Variants in EPB41L5 observed in about 807,000 individuals in gnomAD.
EPB41L5 encodes erythrocyte membrane protein band 4.1 like 5.
Under a neutral mutation model 106.6 loss-of-function variants are expected in EPB41L5, and 55 were observed. That is an observed-to-expected ratio of 0.52 (90% CI 0.42 to 0.65). EPB41L5 has a LOEUF of 0.65. Among genes scored for constraint, EPB41L5 ranks in the 30% least tolerant of loss-of-function variants. The pLI, the probability that EPB41L5 is intolerant of heterozygous loss-of-function variation, is 0.00. For synonymous variants in EPB41L5, 297 were observed against 306.7 expected, an observed-to-expected ratio of 0.97 and a Z score of 0.33; for missense variants, 871 against 882.1, an observed-to-expected ratio of 0.99 and a Z score of 0.16.
At chr2:120,106,946 G>A in intron 16 of EPB41L5, 1 of 919,564 alleles carries the variant, frequency 1.1e-6, no homozygotes, top group African/African-American at 1.8e-5. Flanking sequence ...GTTTTGAAAA[G>A]CACCTAGTAT....
At chr2:120,130,938 T>TATGC (rs769442673) in intron 17 of EPB41L5, among the ~76,000 whole-genome samples, 80 of 152,236 alleles carry the variant, frequency 5.3e-4, no homozygotes, top group Middle Eastern at 3.2e-3. Context: ...TGTAAAATTT[T>TATGC]ATGCACACAT....
intron 3 of EPB41L5, among the ~76,000 whole-genome samples, chr2:120,045,868 C>T (rs77513800): frequency 1.3e-5 from 2 of 150,260 alleles, no homozygotes; most frequent in Non-Finnish European, 3.0e-5. Flanking sequence ...CCCAAGTGTT[C>T]TCATTGTTCA....
chr2:120,061,882 TC>T (rs1378552286), intron 3 of EPB41L5, among the ~76,000 whole-genome samples: 3 of 152,202 alleles, frequency 2.0e-5, no homozygotes, highest in South Asian at 2.1e-4. Context: ...TTTCAAAACT[TC>T]CTTGGTTCTT....
At chr2:120,099,154 C>T (rs1166639996) in intron 14 of EPB41L5, among the ~76,000 whole-genome samples, 1 of 152,178 alleles carries the variant, frequency 6.6e-6, no homozygotes, top group Non-Finnish European at 1.5e-5. Flanking sequence ...TTCTCACTTT[C>T]AAGGAATTTT....
At chr2:120,070,933 A>G (rs1198364460) in intron 3 of EPB41L5, among the ~76,000 whole-genome samples, 2 of 152,186 alleles carry the variant, frequency 1.3e-5, no homozygotes, top group African/African-American at 4.8e-5. Flanking sequence ...GGCACAAAAC[A>G]AGGATGCCGT....
At chr2:120,064,075 CA>C (rs1479368575) in intron 3 of EPB41L5, among the ~76,000 whole-genome samples, 1 of 152,022 alleles carries the variant, frequency 6.6e-6, no homozygotes, top group Non-Finnish European at 1.5e-5. Flanking sequence ...ACTGTTAACT[CA>C]AAAAAAGTAG....
intron 24 of EPB41L5, 145 bp downstream of exon 24, chr2:120,168,152 A>G (rs1405516678): frequency 3.0e-6 from 3 of 998,036 alleles, no homozygotes; most frequent in African/African-American, 1.6e-5. Flanking sequence ...TCTGTTTGTT[A>G]TTTAGTGTAG....
intron 21 of EPB41L5, among the ~76,000 whole-genome samples, chr2:120,164,556 A>G (rs1316565193): frequency 6.6e-6 from 1 of 152,206 alleles, no homozygotes; most frequent in African/African-American, 2.4e-5. Context: ...AAGAGCCAGA[A>G]TAGTCATAAC....
At chr2:120,072,952 C>G (rs1413895657) in intron 3 of EPB41L5, among the ~76,000 whole-genome samples, 1 of 150,938 alleles carries the variant, frequency 6.6e-6, no homozygotes, top group African/African-American at 2.4e-5. Context: ...AGTCATCTGT[C>G]AGGTTTTAGG....
chr2:120,074,271 A>G, intron 5 of EPB41L5, 93 bp downstream of exon 5: 1 of 925,182 alleles, frequency 1.1e-6, no homozygotes, highest in South Asian at 1.7e-5. Context: ...AGCTAATAAA[A>G]TGGATTCCTG....
intron 2 of EPB41L5, among the ~76,000 whole-genome samples, chr2:120,039,496 G>A (rs1247382391): frequency 4.6e-5 from 7 of 152,132 alleles, no homozygotes; most frequent in South Asian, 2.1e-4. Context: ...CAGTGTACTC[G>A]AAATTCCCCA....
intron 16 of EPB41L5, 55 bp from the exon 17 acceptor site, chr2:120,127,625 GTAGTGTTT>G: frequency 7.3e-7 from 1 of 1,367,844 alleles, no homozygotes; most frequent in Non-Finnish European, 1.0e-6. Flanking sequence ...CAGAGGGTGA[GTAGTGTTT>G]TAATTTTTCA....
At chr2:120,028,266 G>GCACT (rs1678475193) in intron 2 of EPB41L5, among the ~76,000 whole-genome samples, 1 of 152,056 alleles carries the variant, frequency 6.6e-6, no homozygotes, top group African/African-American at 2.4e-5. Flanking sequence ...TGGGCATAGT[G>GCACT]GTTCATGCCT....
At chr2:120,102,835 A>G (rs1346446830) in intron 16 of EPB41L5, among the ~76,000 whole-genome samples, 1 of 152,226 alleles carries the variant, frequency 6.6e-6, no homozygotes, top group Non-Finnish European at 1.5e-5. Flanking sequence ...CAATTCATGT[A>G]TTGTAAACCC....
intron 3 of EPB41L5, among the ~76,000 whole-genome samples, chr2:120,043,889 A>AT (rs1383459154): frequency 6.6e-6 from 1 of 152,230 alleles, no homozygotes; most frequent in African/African-American, 2.4e-5. Context: ...GCTCATGCCT[A>AT]TAATCCCAGC....
At chr2:120,036,704 C>G (rs1173006507) in intron 2 of EPB41L5, among the ~76,000 whole-genome samples, 1 of 151,718 alleles carries the variant, frequency 6.6e-6, no homozygotes, top group Non-Finnish European at 1.5e-5. Context: ...TTAATAGGAC[C>G]AAAGGAAAAT....
rs141466977 is a variant in EPB41L5 at position 120,019,166 on chromosome 2, C to T, written c.82C>T (p.Arg28Cys). The T allele has an allele frequency of 4.4e-3, 7,069 of 1,614,030 alleles. 44 individuals carry two copies. The highest frequency in any genetic ancestry group is 4.5e-3 in the Non-Finnish European group (5,319 of 1,180,012). Reference protein sequence around the residue: ...AEKERLREAQRAATHIPAAGD... With the variant: ...AEKERLREAQCAATHIPAAGD... The stretch of plus-strand genomic sequence containing the variant: ...GAAGGAACGACTCCGAGAAGCACAA[C>T]GCGCCGCCACACATATTCCTGCAGC... The change falls in exon 2 of 25, where the codon CGC (arginine) becomes TGC (cysteine). Residue 28 changes from arginine to cysteine, a missense_variant. Coordinates refer to ENST00000263713, the MANE Select transcript of EPB41L5 (RefSeq NM_020909.4).
chr2:120,169,770 C>T (rs900894383), intron 24 of EPB41L5, among the ~76,000 whole-genome samples: 1 of 152,172 alleles, frequency 6.6e-6, no homozygotes, highest in Non-Finnish European at 1.5e-5. Flanking sequence ...AGGCAGTTCA[C>T]AAACCAATAT....
intron 14 of EPB41L5, among the ~76,000 whole-genome samples, 176 bp downstream of exon 14, chr2:120,093,452 A>G (rs1183559726): frequency 1.3e-5 from 2 of 152,232 alleles, no homozygotes; most frequent in African/African-American, 4.8e-5. Flanking sequence ...ATGAAAAATT[A>G]AAGCAGTTTA....
Sources: gnomAD v4.1 joint callset for allele counts (sites outside exome capture counted in the v4.1 genomes callset) on GRCh38, gnomAD v4.1.1 for gene constraint, MANE v1.5 for transcripts, NCBI Gene and HGNC (gene_info 2026-07-23, HGNC 2026-07-21) for gene names.